Variants in ZNF407 observed in about 807,000 individuals in gnomAD.
ZNF407 encodes zinc finger protein 407.
In ZNF407, 17 loss-of-function variants were observed where a neutral mutation model predicts 131.2. The ratio of observed to expected loss-of-function variants is 0.13; its 90% CI spans 0.09 to 0.19. The LOEUF is 0.19. ZNF407 is among the 10% of genes least tolerant of loss of function. The pLI, the probability that ZNF407 is intolerant of heterozygous loss-of-function variation, is 1.00. For synonymous variants in ZNF407, 1,156 were observed against 1,062.0 expected (o/e 1.09, Z -1.72); for missense variants, 2,681 against 2,830.6 (o/e 0.95, Z 1.20).
At chr18:74,622,958 GTATC>G (rs1184650667) in intron 1 of ZNF407, among the ~76,000 whole-genome samples, 1 of 152,114 alleles carries the variant, frequency 6.6e-6, no homozygotes, top group African/African-American at 2.4e-5. Flanking sequence ...GTGTGTCAGT[GTATC>G]TGAGTGCGTG....
intron 8 of ZNF407, among the ~76,000 whole-genome samples, chr18:74,961,430 A>G (rs1599265443): frequency 6.6e-6 from 1 of 152,216 alleles, no homozygotes; most frequent in East Asian, 1.9e-4. Context: ...ACACAAGTTT[A>G]TAAAGCAGCC....
intron 3 of ZNF407, among the ~76,000 whole-genome samples, chr18:74,775,225 T>C (rs1969444207): frequency 1.3e-5 from 2 of 152,190 alleles, no homozygotes; most frequent in African/African-American, 4.8e-5. Flanking sequence ...TTATTAGTTT[T>C]TCTTTACCTA....
intron 3 of ZNF407, among the ~76,000 whole-genome samples, chr18:74,771,782 C>T (rs1969367116): frequency 6.6e-6 from 1 of 151,332 alleles, no homozygotes; most frequent in Non-Finnish European, 1.5e-5. Flanking sequence ...TTTCATAGGT[C>T]ATTAATTTTT....
In ZNF407 at chr18:74,631,088, G is replaced by A. The variant is rs750384615; in HGVS notation, c.69G>A (p.Leu23=). Residue 23 remains leucine (L), a synonymous_variant, in exon 2 of 9, where the codon TTG becomes TTA. Coordinates refer to ENST00000299687, the MANE Select transcript of ZNF407 (RefSeq NM_017757.3). ...AGATAAACAAAGAAGCACAAGACTT[G>A]ACAAAGCTTTCATCCCATAATGAAG... ...DEKINKEAQD[L]TKLSSHNEDG... is the part of the protein sequence containing the mutation. 4 of 1,613,580 alleles carry A rather than the reference G, an allele frequency of 2.5e-6. No homozygotes were observed. The highest frequency in any genetic ancestry group is 3.4e-6 in the Non-Finnish European group (4 of 1,179,818).
chr18:74,671,106 C>T (rs1490325256), intron 3 of ZNF407, among the ~76,000 whole-genome samples: 1 of 152,232 alleles, frequency 6.6e-6, no homozygotes, highest in Non-Finnish European at 1.5e-5. Context: ...TGCCCGTCCC[C>T]ACCTCCCCAC....
At chr18:74,741,462 G>A (rs900287168) in intron 3 of ZNF407, among the ~76,000 whole-genome samples, 1 of 152,016 alleles carries the variant, frequency 6.6e-6, no homozygotes, top group African/African-American at 2.4e-5. Flanking sequence ...ACTGTTTTAT[G>A]TTATTTGGAC....
chr18:74,632,429 A>C lies in ZNF407; in HGVS notation c.1410A>C (p.Thr470=). 6.2e-7 allele frequency: 1 copy of C among 1,614,060 alleles called. No homozygotes were observed. Among genetic ancestry groups the C allele is most frequent in the East Asian group, 2.2e-5 (1 of 44,890 alleles). The part of the protein sequence containing the change: ...YMKHLRTQMK[T]HDAESVLKHL... ...AACACTTGAGAACACAGATGAAAAC[A>C]CACGATGCAGAATCAGTGCTGAAAC... Residue 470 remains threonine, a synonymous_variant, in exon 2 of 9, where the codon ACA becomes ACC. Transcript: ENST00000299687.
chr18:74,883,037 G>A (rs1327056342), intron 6 of ZNF407, among the ~76,000 whole-genome samples: 1 of 152,200 alleles, frequency 6.6e-6, no homozygotes, highest in Non-Finnish European at 1.5e-5. Flanking sequence ...GTGATCACGG[G>A]CATCCCAGTG....
At chr18:74,782,765 C>A (rs1431583281) in intron 4 of ZNF407, among the ~76,000 whole-genome samples, 1 of 152,042 alleles carries the variant, frequency 6.6e-6, no homozygotes, top group African/African-American at 2.4e-5. Flanking sequence ...ACTATAGGCA[C>A]CCGCCACCAC....
chr18:74,814,744 A>C lies in ZNF407; in HGVS notation c.4877+33242A>C, dbSNP rs1970244278. ...AAAAAATGTATAATCTTACTGCGTA[A>C]AATTTTTTCTCATATAATTTGATGA... On this transcript the variant is annotated intron_variant, in intron 4 of 8. Transcript: ENST00000299687. Among the ~76,000 whole-genome samples the C allele has an allele frequency of 2.6e-5, 4 of 152,268 alleles. No individual in the cohort carries two copies. The South Asian group carries it at 8.3e-4, about 32-fold the overall frequency.
chr18:74,619,685 T>G (rs1983439827), intron 1 of ZNF407, among the ~76,000 whole-genome samples: 3 of 152,174 alleles, frequency 2.0e-5, no homozygotes, highest in African/African-American at 7.2e-5. Flanking sequence ...GGATATAAAT[T>G]CTGTTGTTTC....
intron 3 of ZNF407, among the ~76,000 whole-genome samples, chr18:74,775,530 A>C (rs943071836): frequency 1.3e-5 from 2 of 152,216 alleles, no homozygotes; most frequent in Non-Finnish European, 2.9e-5. Flanking sequence ...CATATTTGTC[A>C]GTTCCCACAA....
intron 2 of ZNF407, among the ~76,000 whole-genome samples, chr18:74,636,952 A>G (rs912267740): frequency 1.3e-5 from 2 of 152,212 alleles, no homozygotes; most frequent in Admixed American, 1.3e-4. Context: ...GAAAATATGT[A>G]CTTTCTTAAT....
In ZNF407 at chr18:74,615,866, G is replaced by GT. The variant is rs1283978607; in HGVS notation, c.-53-15099dup. Among the ~76,000 whole-genome samples, 551 of 151,766 alleles carry GT rather than the reference G, an allele frequency of 3.6e-3. 1 individual carries two copies. Among genetic ancestry groups the GT allele is most frequent in the African/African-American group, 0.013 (522 of 41,424 alleles). ...CAGCAATGGGGAAAGAACTGTTGTT[G>GT]TTGTTTTTTTTTTTAAGATGGAGTT... On this transcript the variant is annotated intron_variant, in intron 1 of 8. Transcript: ENST00000299687.
At chr18:74,928,290 T>G (rs1334247298) in intron 8 of ZNF407, among the ~76,000 whole-genome samples, 1 of 152,192 alleles carries the variant, frequency 6.6e-6, no homozygotes, top group East Asian at 1.9e-4. Context: ...TAAGTTAACC[T>G]TTGCCTGAAG....
intron 3 of ZNF407, among the ~76,000 whole-genome samples, chr18:74,778,099 A>G (rs1216734741): frequency 2.0e-5 from 3 of 152,180 alleles, no homozygotes; most frequent in Non-Finnish European, 4.4e-5. Context: ...GATGCCTGAG[A>G]TGGCTTTTCT....
At chr18:74,928,845 A>G (rs1599249065) in intron 8 of ZNF407, among the ~76,000 whole-genome samples, 1 of 152,134 alleles carries the variant, frequency 6.6e-6, no homozygotes, top group Admixed American at 6.5e-5. Flanking sequence ...GAAGGGGACC[A>G]TTCAGTCAGC....
intron 5 of ZNF407, among the ~76,000 whole-genome samples, chr18:74,879,092 A>C (rs1430142271): frequency 6.6e-6 from 1 of 152,196 alleles, no homozygotes; most frequent in African/African-American, 2.4e-5. Context: ...ATAAATCTTA[A>C]AATAGGGAAA....
At chr18:74,619,471 C>T (rs1373001500) in intron 1 of ZNF407, among the ~76,000 whole-genome samples, 1 of 152,046 alleles carries the variant, frequency 6.6e-6, no homozygotes, top group African/African-American at 2.4e-5. Context: ...TATGCTTTAT[C>T]CTCTTGCCTT....
Sources: allele counts gnomAD v4.1 joint callset (sites outside exome capture counted in the v4.1 genomes callset), GRCh38; gene constraint gnomAD v4.1.1; transcripts MANE v1.5; gene names NCBI Gene and HGNC (gene_info 2026-07-23, HGNC 2026-07-21).